The following DLG2 variants were observed in gnomAD, a reference collection of about 807,000 sequenced individuals.
DLG2 encodes disks large homolog 2.
In DLG2, 45 loss-of-function variants were observed where a neutral mutation model predicts 132.5. The ratio of observed to expected loss-of-function variants is 0.34; its 90% CI spans 0.27 to 0.44. The LOEUF is 0.44. Ranked by LOEUF, DLG2 falls within the 20% of genes least tolerant of loss-of-function variation. The pLI, the probability that DLG2 is intolerant of heterozygous loss-of-function variation, is 1.00. For missense variants in DLG2, 1,045 were observed against 1,196.9 expected, an observed-to-expected ratio of 0.87 and a Z score of 1.87; for synonymous variants, 424 against 419.6, an observed-to-expected ratio of 1.01 and a Z score of -0.13.
intron 6 of DLG2, among the ~76,000 whole-genome samples, chr11:85,026,910 T>C (rs2060572901): frequency 6.6e-6 from 1 of 152,086 alleles, no homozygotes; most frequent in African/African-American, 2.4e-5. Context: ...CTCTTACAAA[T>C]TTGTTTTACT....
chr11:83,887,138 CA>C (rs1412587672), intron 15 of DLG2, among the ~76,000 whole-genome samples: 1 of 151,990 alleles, frequency 6.6e-6, no homozygotes, highest in African/African-American at 2.4e-5. Flanking sequence ...AAAAACCCTT[CA>C]AAAAATTAAT....
intron 5 of DLG2, among the ~76,000 whole-genome samples, chr11:85,121,756 C>A (rs1445186938): frequency 6.6e-6 from 1 of 152,156 alleles, no homozygotes; most frequent in Non-Finnish European, 1.5e-5. Context: ...TACCAATTGG[C>A]TGTCTCTTAA....
In DLG2 at chr11:85,499,862, T is replaced by C. The variant is rs1310277118; in HGVS notation, c.40+98795A>G. On this transcript the variant is annotated intron_variant, in intron 3 of 27. Coordinates refer to ENST00000376104, the MANE Select transcript of DLG2 (RefSeq NM_001142699.3). ...AACAAAAAACACATGATTATCTCCATAGATGCAGAAAAGGCCTCTGACAAA... is the reference window on the plus strand; with the variant it reads ...AACAAAAAACACATGATTATCTCCACAGATGCAGAAAAGGCCTCTGACAAA... Among the ~76,000 whole-genome samples the C allele has an allele frequency of 5.9e-5, 9 of 152,192 alleles. 1 individual carries two copies. Among genetic ancestry groups the C allele is most frequent in the Admixed American group, 3.3e-4 (5 of 15,276 alleles).
At chr11:85,525,795 C>G (rs780920732) in intron 3 of DLG2, among the ~76,000 whole-genome samples, 1 of 152,162 alleles carries the variant, frequency 6.6e-6, no homozygotes, top group African/African-American at 2.4e-5. Context: ...CATGTAGTCT[C>G]TCTGAGAAGA....
chr11:84,648,802 A>G (rs1399170101), intron 6 of DLG2, among the ~76,000 whole-genome samples: 2 of 152,000 alleles, frequency 1.3e-5, no homozygotes, highest in African/African-American at 4.8e-5. Flanking sequence ...TCTCACACAC[A>G]CAGACACACA....
intron 11 of DLG2, among the ~76,000 whole-genome samples, chr11:84,005,134 A>G (rs1333629144): frequency 2.0e-5 from 3 of 151,968 alleles, no homozygotes; most frequent in Non-Finnish European, 4.4e-5. Flanking sequence ...TAGGCATGGT[A>G]TTGGTATAAA....
chr11:84,303,791 AATAAT>A (rs1279724660), intron 7 of DLG2, among the ~76,000 whole-genome samples: 1 of 152,210 alleles, frequency 6.6e-6, no homozygotes, highest in Non-Finnish European at 1.5e-5. Context: ...GTAAACTTAA[AATAAT>A]ATGCTTGTTA....
chr11:84,019,012 T>C (rs549767465), intron 11 of DLG2, among the ~76,000 whole-genome samples: 12 of 152,148 alleles, frequency 7.9e-5, no homozygotes, highest in African/African-American at 2.9e-4. Context: ...GTGATTATAA[T>C]AGGCATGTAG....
Position 85,243,459 on chromosome 11 carries a change from T to C in DLG2, c.186+41761A>G, listed in dbSNP as rs191843314. On this transcript the variant is annotated intron_variant, in intron 4 of 27. Transcript: ENST00000376104. The stretch of plus-strand genomic sequence containing the variant: ...TAAATTCCCGACTTAAAGTTGGAAA[T>C]ATTTCACCAAAAAGTTTTTGCTATG... Among the ~76,000 whole-genome samples, 672 of 152,124 alleles carry C rather than the reference T, an allele frequency of 4.4e-3. 3 individuals carry two copies. Among genetic ancestry groups the C allele is most frequent in the African/African-American group, 0.015 (641 of 41,552 alleles).
intron 3 of DLG2, among the ~76,000 whole-genome samples, chr11:85,326,269 G>C (rs1467991166): frequency 7.0e-6 from 1 of 143,316 alleles, no homozygotes; most frequent in Non-Finnish European, 1.5e-5. Context: ...GAAATACAGA[G>C]AACGCCACAA....
At chr11:84,018,867 A>T (rs2095301097) in intron 11 of DLG2, among the ~76,000 whole-genome samples, 2 of 152,064 alleles carry the variant, frequency 1.3e-5, no homozygotes, top group Non-Finnish European at 2.9e-5. Context: ...AATGGGCAAG[A>T]CTAAAATAGT....
chr11:85,173,024 T>A (rs1027881706), intron 4 of DLG2, among the ~76,000 whole-genome samples: 4 of 152,260 alleles, frequency 2.6e-5, no homozygotes, highest in Middle Eastern at 3.4e-3. Context: ...ACAAGGAGAA[T>A]GGAACTAAGT....
intron 4 of DLG2, among the ~76,000 whole-genome samples, chr11:85,220,529 C>T (rs1021266825): frequency 6.6e-6 from 1 of 151,810 alleles, no homozygotes; most frequent in Admixed American, 6.6e-5. Context: ...TTCTTCCTCT[C>T]TCCACTACCA....
At chr11:84,489,050 T>G (rs1224658865) in intron 7 of DLG2, among the ~76,000 whole-genome samples, 2 of 152,144 alleles carry the variant, frequency 1.3e-5, no homozygotes, top group African/African-American at 4.8e-5. Context: ...TCACATAATA[T>G]TGTAAACCTA....
chr11:85,321,592 G>C (rs759818780), intron 3 of DLG2, among the ~76,000 whole-genome samples: 6 of 151,952 alleles, frequency 3.9e-5, no homozygotes, highest in Non-Finnish European at 8.8e-5. Flanking sequence ...TTAGAGATTT[G>C]GGAAAATAAA....
rs953491694 is a variant in DLG2 at position 84,756,978 on chromosome 11, C to G, written c.358-222247G>C. Among the ~76,000 whole-genome samples the G allele has an allele frequency of 3.3e-5, 5 of 152,180 alleles. No individual in the cohort carries two copies. The East Asian group carries it at 9.6e-4, about 29-fold the overall frequency. On this transcript the variant is annotated intron_variant, in intron 6 of 27. Coordinates refer to ENST00000376104, the MANE Select transcript of DLG2 (RefSeq NM_001142699.3). ...ATCAGCCTACAGCAACTACCAGAAT[C>G]ATAATTCCTGGTGTACATATTTAGT...
At chr11:85,243,233 G>A (rs1409598351) in intron 4 of DLG2, among the ~76,000 whole-genome samples, 1 of 151,846 alleles carries the variant, frequency 6.6e-6, no homozygotes, top group Non-Finnish European at 1.5e-5. Context: ...GAGGAGACTA[G>A]AAGCTTATGC....
chr11:85,015,161 T>G (rs1431685161), intron 6 of DLG2, among the ~76,000 whole-genome samples: 1 of 152,206 alleles, frequency 6.6e-6, no homozygotes, highest in African/African-American at 2.4e-5. Context: ...GCAATTGATG[T>G]GGCTTTTCAA....
intron 3 of DLG2, among the ~76,000 whole-genome samples, chr11:85,580,556 C>T (rs1335485011): frequency 3.3e-5 from 5 of 152,196 alleles, no homozygotes; most frequent in African/African-American, 1.2e-4. Context: ...GTGAGAAATG[C>T]AATACACATA....
Sources: allele counts gnomAD v4.1 joint callset (sites outside exome capture counted in the v4.1 genomes callset), GRCh38; gene constraint gnomAD v4.1.1; transcripts MANE v1.5; gene names NCBI Gene and HGNC (gene_info 2026-07-23, HGNC 2026-07-21).